PRDM11: variants seen among roughly 807,000 people sequenced by gnomAD.
The protein encoded by PRDM11 is PR/SET domain 11, also known as PR domain-containing protein 11.
Under a neutral mutation model 97.8 loss-of-function variants are expected in PRDM11, and 20 were observed. The observed-to-expected ratio is 0.20, with a 90% CI of 0.14 to 0.30. The LOEUF is 0.30. Ranked by LOEUF, PRDM11 falls within the 10% of genes least tolerant of loss-of-function variation. The pLI, the probability that PRDM11 is intolerant of heterozygous loss-of-function variation, is 1.00. For synonymous variants in PRDM11, 599 were observed against 637.7 expected (o/e 0.94, Z 0.91); for missense variants, 1,139 against 1,555.2 (o/e 0.73, Z 4.50).
rs79772413 is a variant in PRDM11, at chr11:45,109,533, C to G, written c.96+13632C>G. 4.6e-3 allele frequency among the ~76,000 whole-genome samples: 707 copies of G among 152,212 alleles called. 44 individuals are homozygous for G. The East Asian group carries it at 0.12, about 25-fold the overall frequency. On this transcript the variant is annotated intron_variant, in intron 1 of 6. Transcript: ENST00000530656. ...TAGAAAGGAGACCACTCGGAGGAGC[C>G]CTACTCATTCTCAAAATATTCAGAG...
At chr11:45,199,130 G>A (rs1329363198) in intron 4 of PRDM11, among the ~76,000 whole-genome samples, 2 of 152,124 alleles carry the variant, frequency 1.3e-5, no homozygotes, top group African/African-American at 2.4e-5. Context: ...ACCATGCTTC[G>A]CTCAGGGGGC....
chr11:45,185,886 C>T (rs1215799314), intron 4 of PRDM11, among the ~76,000 whole-genome samples: 1 of 151,816 alleles, frequency 6.6e-6, no homozygotes, highest in Non-Finnish European at 1.5e-5. Flanking sequence ...CCTGGGTGGG[C>T]CCAGTGTAAT....
chr11:45,194,235 AT>A (rs1475622893), intron 4 of PRDM11, among the ~76,000 whole-genome samples: 1 of 152,162 alleles, frequency 6.6e-6, no homozygotes, highest in African/African-American at 2.4e-5. Context: ...CCGCATATTG[AT>A]TTTTTTAAAT....
In PRDM11 at chr11:45,224,330, G is replaced by A. The variant is rs1466044544; in HGVS notation, c.856G>A (p.Gly286Ser). Residue 286 changes from glycine to serine, a missense_variant, in exon 7 of 8, where the codon GGC (glycine) becomes AGC (serine). By Grantham distance (56) the Gly-to-Ser change is moderately conservative. Transcript: ENST00000683152. Reference protein sequence around the residue: ...LRQGKSPYKRGFDEGDVHPQA... With the variant: ...LRQGKSPYKRSFDEGDVHPQA... ...ACAGGGCAAAAGTCCCTACAAGCGT[G>A]GCTTTGATGAGGGGGATGTACACCC... is the stretch of plus-strand genomic sequence containing the variant. 6.2e-7 allele frequency: 1 copy of A among 1,614,154 alleles called. No individual in the cohort carries two copies.
At chr11:45,156,920 C>T (rs768539151) in intron 1 of PRDM11, among the ~76,000 whole-genome samples, 2 of 152,112 alleles carry the variant, frequency 1.3e-5, no homozygotes, top group Non-Finnish European at 2.9e-5. Context: ...AGGAGGACCC[C>T]ATGGTTCAGG....
Position 45,227,302 on chromosome 11 carries a change from C to T in PRDM11, c.2677C>T (p.Arg893Cys). 3 of 1,533,998 alleles carry T rather than the reference C, an allele frequency of 2.0e-6. No individual in the cohort carries two copies. The highest frequency in any genetic ancestry group is 2.0e-5 in the Admixed American group (1 of 51,000). ...FLLDVIAVLS[R>C]LAYIFQGEYL... ...GCTGGACGTGATTGCTGTGCTCTCGCGTCTGGCCTACATCTTCCAGGGCGA... is the reference window on the plus strand; with the variant it reads ...GCTGGACGTGATTGCTGTGCTCTCGTGTCTGGCCTACATCTTCCAGGGCGA... The change falls in exon 8 of 8, where the codon CGT becomes TGT. Residue 893 changes from arginine to cysteine, a missense_variant. By Grantham distance (180) the Arg-to-Cys change is radical. Coordinates refer to ENST00000683152, the MANE Select transcript of PRDM11 (RefSeq NM_001384648.1). This position sits in a 1 kb window ranked among gnomAD's most constrained non-coding sequence, Gnocchi z 8.0.
chr11:45,111,707 G>A (rs889093525), intron 1 of PRDM11, among the ~76,000 whole-genome samples: 1 of 152,062 alleles, frequency 6.6e-6, no homozygotes, highest in Non-Finnish European at 1.5e-5. Flanking sequence ...GGGCTCTGTC[G>A]ATTTGAAAGG....
rs188332380 is a variant in PRDM11, at chr11:45,222,696, G to A, written c.743-1521G>A. Among the ~76,000 whole-genome samples the A allele has an allele frequency of 2.5e-3, 388 of 152,306 alleles. 1 individual carries two copies. Among genetic ancestry groups the A allele is most frequent in the Non-Finnish European group, 4.2e-3 (285 of 68,030 alleles). ...AAGGAAACCTGAAGTCAAACATGGGGCAGGGCACAGCACCCATACCAGCTA... is the reference window on the plus strand; with the variant it reads ...AAGGAAACCTGAAGTCAAACATGGGACAGGGCACAGCACCCATACCAGCTA... On this transcript the variant is annotated intron_variant, in intron 6 of 7. Coordinates refer to ENST00000683152, the MANE Select transcript of PRDM11 (RefSeq NM_001384648.1).
upstream of PRDM11, among the ~76,000 whole-genome samples, chr11:45,145,154 C>T (rs375168362): frequency 2.0e-5 from 3 of 152,272 alleles, no homozygotes; most frequent in Admixed American, 6.5e-5. Context: ...TCTCATGGCT[C>T]CTTACACAGA....
chr11:45,141,089 C>A (rs1653028540), intron 1 of PRDM11, among the ~76,000 whole-genome samples: 3 of 152,326 alleles, frequency 2.0e-5, no homozygotes, highest in South Asian at 2.1e-4. Flanking sequence ...GCAAGCTCTA[C>A]CGCTGGCTCT....
intron 1 of PRDM11, among the ~76,000 whole-genome samples, chr11:45,099,625 T>C (rs11605819): frequency 0.024 from 3,709 of 152,178 alleles, 82 homozygotes; most frequent in Middle Eastern, 0.075. Context: ...GCACATGAGA[T>C]GTTCTGATAC....
intron 5 of PRDM11, among the ~76,000 whole-genome samples, chr11:45,216,919 G>A (rs1853971586): frequency 6.6e-6 from 1 of 152,190 alleles, no homozygotes; most frequent in South Asian, 2.1e-4. Context: ...TTCTCTTGAT[G>A]TCAAGTGTCA....
intron 5 of PRDM11, among the ~76,000 whole-genome samples, chr11:45,218,499 A>C (rs1355060369): frequency 6.6e-6 from 1 of 152,190 alleles, no homozygotes; most frequent in Non-Finnish European, 1.5e-5. Flanking sequence ...TCCAGATATA[A>C]TTCATTGGGC....
chr11:45,095,778 C>A (rs1414449809), upstream of PRDM11: 2 of 722,200 alleles, frequency 2.8e-6, no homozygotes, highest in Non-Finnish European at 5.1e-6. Flanking sequence ...AGCTGGGGCA[C>A]CCATTTCGGG....
intron 1 of PRDM11, among the ~76,000 whole-genome samples, chr11:45,156,254 A>C (rs1851791416): frequency 6.6e-6 from 1 of 152,224 alleles, no homozygotes; most frequent in Admixed American, 6.5e-5. Context: ...CTGTGCCTTT[A>C]TGCGGCCACT....
At chr11:45,212,835 C>G (rs887294010) in intron 5 of PRDM11, 4 of 448,790 alleles carry the variant, frequency 8.9e-6, no homozygotes, top group African/African-American at 8.0e-5. Context: ...GCCGAGCTGA[C>G]CAGCCGTGTC....
Position 45,232,496 on chromosome 11 carries a change from C to G in PRDM11, c.*4337C>G, listed in dbSNP as rs12420582. The G allele has an allele frequency of 6.6e-6, 1 of 152,302 alleles. No homozygotes were observed. The highest frequency in any genetic ancestry group is 6.5e-5 in the Admixed American group (1 of 15,282). The allele number at this position is 152,302 out of a possible 1,614,324, so 9.4% of individuals were successfully genotyped here. A position where few individuals can be genotyped will look rare whatever the true frequency, so the allele number is the denominator to read the frequency against. Reference sequence around the variant, plus strand: ...GGCAGAAGGCATTGGACTTGTGCCCCCTCCCTGCTTCAAGAGGCAGATCTA... The same window carrying G: ...GGCAGAAGGCATTGGACTTGTGCCCGCTCCCTGCTTCAAGAGGCAGATCTA... On this transcript the variant is annotated 3_prime_UTR_variant, in exon 8 of 8. Coordinates refer to ENST00000683152, the MANE Select transcript of PRDM11 (RefSeq NM_001384648.1).
Position 45,229,209 on chromosome 11 carries a change from A to G in PRDM11, c.*1050A>G, listed in dbSNP as rs1314071444. On this transcript the variant is annotated 3_prime_UTR_variant, in exon 8 of 8. Transcript: ENST00000683152. ...TGTTGAGGGTATTTTTTTTCCTTTA[A>G]TAATCAAGAAATGCCTGCTATAGTT... is the stretch of plus-strand genomic sequence containing the variant. The G allele has an allele frequency of 1.3e-5, 2 of 152,050 alleles. No individual in the cohort carries two copies. The highest frequency in any genetic ancestry group is 4.1e-4 in the South Asian group (2 of 4,830). 9.4% of individuals were successfully genotyped at this position (152,050 alleles called of 1,614,324 possible). A position where few individuals can be genotyped will look rare whatever the true frequency, so the allele number is the denominator to read the frequency against.
intron 4 of PRDM11, among the ~76,000 whole-genome samples, chr11:45,189,631 G>A (rs1351172146): frequency 6.6e-6 from 1 of 152,224 alleles, no homozygotes; most frequent in Non-Finnish European, 1.5e-5. Flanking sequence ...TACCGTTCTG[G>A]GGAGAAGCAG....
Sources: allele counts gnomAD v4.1 joint callset (sites outside exome capture counted in the v4.1 genomes callset), GRCh38; gene constraint gnomAD v4.1.1; non-coding constraint Gnocchi (gnomAD v3.1); transcripts MANE v1.5; gene names NCBI Gene and HGNC (gene_info 2026-07-23, HGNC 2026-07-21).